The following NOM1 variants were observed in gnomAD, a reference collection of about 807,000 sequenced individuals.
NOM1 encodes nucleolar protein with MIF4G domain 1, also known as nucleolar MIF4G domain-containing protein 1.
In NOM1, 58 loss-of-function variants were observed where a neutral mutation model predicts 73.3. That is an observed-to-expected ratio of 0.79 (90% CI 0.64 to 0.99). The LOEUF is 0.99. Among genes scored for constraint, NOM1 ranks in the 50% least tolerant of loss-of-function variants. NOM1 has a pLI of 0.00. For synonymous variants in NOM1, 487 were observed against 446.8 expected, an observed-to-expected ratio of 1.09 and a Z score of -1.14; for missense variants, 1,226 against 1,131.9, an observed-to-expected ratio of 1.08 and a Z score of -1.19.
intron 9 of NOM1, among the ~76,000 whole-genome samples, chr7:156,967,853 G>A (rs1217901003): frequency 6.6e-6 from 1 of 152,130 alleles, no homozygotes; most frequent in Non-Finnish European, 1.5e-5. Flanking sequence ...GGTGGAGTTG[G>A]GGTTAGATGT....
chr7:156,952,320 G>A (rs1242649814), intron 1 of NOM1, among the ~76,000 whole-genome samples, 154 bp from the exon 2 acceptor site: 1 of 152,184 alleles, frequency 6.6e-6, no homozygotes, highest in East Asian at 1.9e-4. Flanking sequence ...CATATACTAA[G>A]CACTCAATAA....
intron 9 of NOM1, among the ~76,000 whole-genome samples, chr7:156,968,133 C>T (rs974436361): frequency 3.2e-4 from 48 of 152,270 alleles, no homozygotes; most frequent in African/African-American, 1.1e-3. Flanking sequence ...ATGAGGGCAC[C>T]GAGCCTTACG....
chr7:156,969,765 G>A lies in NOM1; in HGVS notation c.*62G>A, dbSNP rs1805098076. ...TAAAATGTCCTTGGTAAACCCAAAG[G>A]CTTATTCTGTTGCCTGCGTGTGAAT... On this transcript the variant is annotated 3_prime_UTR_variant, in exon 11 of 11. Transcript: ENST00000275820. 1 of 1,489,890 alleles carries A rather than the reference G, an allele frequency of 6.7e-7. No individual in the cohort carries two copies. Among genetic ancestry groups the A allele is most frequent in the Admixed American group, 2.0e-5 (1 of 49,296 alleles). The allele number at this position is 1,489,890 out of a possible 1,614,324, so 92.3% of individuals were successfully genotyped here.
chr7:156,962,316 G>A (rs576972054), intron 5 of NOM1, 55 bp downstream of exon 5: 58 of 1,386,950 alleles, frequency 4.2e-5, no homozygotes, highest in Admixed American at 3.6e-4. Flanking sequence ...GTCGGCATGA[G>A]CCTGTCATGA....
Position 156,969,720 on chromosome 7 carries a change from G to A in NOM1, c.*17G>A, listed in dbSNP as rs778521293. The A allele has an allele frequency of 6.3e-7, 1 of 1,591,818 alleles. No homozygotes were observed. The highest frequency in any genetic ancestry group is 2.3e-5 in the East Asian group (1 of 44,436). ...AGAATGTAGTCAGGGAAGGAAGGAG[G>A]GCAGGTGGCCCTTTGACTGTAAAAT... On this transcript the variant is annotated 3_prime_UTR_variant, in exon 11 of 11. Transcript: ENST00000275820.
chr7:156,954,629 C>T (rs970441927), intron 3 of NOM1, among the ~76,000 whole-genome samples: 3 of 150,038 alleles, frequency 2.0e-5, no homozygotes, highest in Non-Finnish European at 4.4e-5. Context: ...ACCTCATCCT[C>T]CAGAGTAGCT....
intron 8 of NOM1, 33 bp from the exon 9 acceptor site, chr7:156,966,928 T>C: frequency 6.3e-7 from 1 of 1,586,100 alleles, no homozygotes; most frequent in Non-Finnish European, 8.6e-7. Flanking sequence ...TTGTGGCCGT[T>C]TGCCTTTTTT....
At chr7:156,961,536 G>A (rs1030292976) in intron 4 of NOM1, among the ~76,000 whole-genome samples, 9 of 152,094 alleles carry the variant, frequency 5.9e-5, no homozygotes, top group African/African-American at 2.2e-4. Context: ...TCTCTTCTGG[G>A]GTGATGAGAA....
chr7:156,971,389 T>C lies in NOM1; in HGVS notation c.*1686T>C, dbSNP rs906409823. On this transcript the variant is annotated 3_prime_UTR_variant, in exon 11 of 11. Coordinates refer to ENST00000275820, the MANE Select transcript of NOM1 (RefSeq NM_138400.2). ...CATTTGTGGCACTTTCAGATACTATTTATTTACTTTTTAAGAGAGAGACAG... is the reference window on the plus strand; with the variant it reads ...CATTTGTGGCACTTTCAGATACTATCTATTTACTTTTTAAGAGAGAGACAG... 2.6e-5 allele frequency: 4 copies of C among 152,192 alleles called. No homozygotes were observed. The highest frequency in any genetic ancestry group is 9.7e-5 in the African/African-American group (4 of 41,442). The allele number at this position is 152,192 out of a possible 1,614,324, so 9.4% of individuals were successfully genotyped here. A position where few individuals can be genotyped will look rare whatever the true frequency, so the allele number is the denominator to read the frequency against.
At chr7:156,956,550 TC>T (rs1191195391) in intron 3 of NOM1, among the ~76,000 whole-genome samples, 1 of 152,248 alleles carries the variant, frequency 6.6e-6, no homozygotes, top group African/African-American at 2.4e-5. Context: ...TAGATAATGT[TC>T]TGATCCACAT....
chr7:156,950,815 G>C, intron 1 of NOM1, 91 bp downstream of exon 1: 1 of 1,158,776 alleles, frequency 8.6e-7, no homozygotes, highest in Non-Finnish European at 1.2e-6. Context: ...ACACAGACTT[G>C]GTGTCTTGAT....
At position 156,963,084 on chromosome 7, in the gene NOM1, G is replaced by A. The variant is rs2134790560; in HGVS notation, c.1820G>A (p.Gly607Asp). 2 of 1,614,220 alleles carry A rather than the reference G, an allele frequency of 1.2e-6. No individual in the cohort carries two copies. Among genetic ancestry groups the A allele is most frequent in the Non-Finnish European group, 1.7e-6 (2 of 1,180,032 alleles). Residue 607 changes from glycine (G) to aspartate (D), a missense_variant, in exon 6 of 11, where the codon GGT (glycine) becomes GAT (aspartate). Physicochemically the swap from Gly to Asp is moderately conservative, Grantham distance 94. Coordinates refer to ENST00000275820, the MANE Select transcript of NOM1 (RefSeq NM_138400.2). Reference sequence around the variant, plus strand: ...AGTGTCTTGAGTGCGGAGCAGACGGGTCGCTGGTGGATTGTGGGGTCCGCC... The same window carrying A: ...AGTGTCTTGAGTGCGGAGCAGACGGATCGCTGGTGGATTGTGGGGTCCGCC... ...WDSVLSAEQT[G>D]RWWIVGSAWS...
chr7:156,952,536 G>A lies in NOM1; in HGVS notation c.1050G>A (p.Val350=). The change falls in exon 2 of 11, where the codon GTG becomes GTA. Residue 350 remains valine (V), a synonymous_variant. Transcript: ENST00000275820. ...PPHVRQAEET[V]DFKKKEELER... is the part of the protein sequence containing the mutation. ...ATGTGAGGCAAGCTGAGGAGACAGTGGACTTCAAGAAAAAGGAAGAACTAG... is the reference window on the plus strand; with the variant it reads ...ATGTGAGGCAAGCTGAGGAGACAGTAGACTTCAAGAAAAAGGAAGAACTAG... 2 of 1,613,920 alleles carry A rather than the reference G, an allele frequency of 1.2e-6. No homozygotes were observed. Among genetic ancestry groups the A allele is most frequent in the Non-Finnish European group, 1.7e-6 (2 of 1,179,882 alleles).
intron 5 of NOM1, among the ~76,000 whole-genome samples, chr7:156,962,506 C>G (rs973625078): frequency 3.9e-5 from 6 of 152,172 alleles, no homozygotes; most frequent in Non-Finnish European, 8.8e-5. Context: ...TTGCCTCACC[C>G]CGGGTGCTAA....
In NOM1 at chr7:156,950,116, G is replaced by A. The variant is rs777337718; in HGVS notation, c.379G>A (p.Glu127Lys). ...EEASGHRQDT[E>K]ERARPAPSRD... ...AGCCAGCGGTCACCGGCAGGACACG[G>A]AGGAGCGCGCCCGCCCAGCCCCTAG... Residue 127 changes from glutamate to lysine, a missense_variant, in exon 1 of 11, where the codon GAG becomes AAG. Coordinates refer to ENST00000275820, the MANE Select transcript of NOM1 (RefSeq NM_138400.2). 1 of 1,555,054 alleles carries A rather than the reference G, an allele frequency of 6.4e-7. No homozygotes were observed. Among genetic ancestry groups the A allele is most frequent in the South Asian group, 1.2e-5 (1 of 86,426 alleles).
In NOM1 at chr7:156,966,173, A is replaced by G; in HGVS notation, c.2034-97A>G. On this transcript the variant is annotated intron_variant, in intron 7 of 10. Coordinates refer to ENST00000275820, the MANE Select transcript of NOM1 (RefSeq NM_138400.2). ...TCCTTTACGTGGCTCGCCTCTAACC[A>G]GACCCTTCCAGGCGGGAAGATGTTC... 6 of 1,514,804 alleles carry G rather than the reference A, an allele frequency of 4.0e-6. No homozygotes were observed. The South Asian group carries it at 7.3e-5, about 18-fold the overall frequency. The allele number at this position is 1,514,804 out of a possible 1,614,324, so 93.8% of individuals were successfully genotyped here.
intron 9 of NOM1, 178 bp from the exon 10 acceptor site, chr7:156,968,909 A>G (rs2134801241): frequency 3.7e-6 from 2 of 543,294 alleles, no homozygotes; most frequent in Middle Eastern, 5.1e-4. Flanking sequence ...AGGAATTCCC[A>G]AGGCCCACAT....
intron 1 of NOM1, 24 bp downstream of exon 1, chr7:156,950,748 C>T (rs1051606520): frequency 6.6e-7 from 1 of 1,524,550 alleles, no homozygotes; most frequent in African/African-American, 1.4e-5. Context: ...ACTCTCTAGG[C>T]CCTCTGGGAT....
At chr7:156,953,111 G>GGTTTT (rs1804633819) in intron 2 of NOM1, among the ~76,000 whole-genome samples, 1 of 147,260 alleles carries the variant, frequency 6.8e-6, no homozygotes, top group African/African-American at 2.5e-5. Flanking sequence ...ATTCTGTGTA[G>GGTTTT]GTTTTTTTGT....
Sources: allele counts gnomAD v4.1 joint callset (sites outside exome capture counted in the v4.1 genomes callset), GRCh38; gene constraint gnomAD v4.1.1; transcripts MANE v1.5; gene names NCBI Gene and HGNC (gene_info 2026-07-23, HGNC 2026-07-21).